GPR161: variants seen among roughly 807,000 people sequenced by gnomAD.
The protein encoded by GPR161 is G protein-coupled receptor 161.
A neutral mutation model predicts 39.2 loss-of-function variants in GPR161; 25 were observed. The ratio of observed to expected loss-of-function variants is 0.64; its 90% CI spans 0.47 to 0.89. GPR161 has a LOEUF of 0.89. GPR161 is among the 40% of genes least tolerant of loss of function. GPR161 has a pLI of 0.00. For missense variants in GPR161, 547 were observed against 677.8 expected (o/e 0.81, Z 2.14); for synonymous variants, 286 against 276.6 (o/e 1.03, Z -0.34).
At chr1:168,108,279 C>A (rs1302766296) in intron 1 of GPR161, among the ~76,000 whole-genome samples, 1 of 151,914 alleles carries the variant, frequency 6.6e-6, no homozygotes, top group African/African-American at 2.4e-5. Flanking sequence ...ATCTACCCCA[C>A]AACAAAAACA....
Position 168,104,449 on chromosome 1 carries a change from C to A in GPR161, c.374+28G>T, listed in dbSNP as rs759473012. The A allele has an allele frequency of 1.5e-5, 24 of 1,589,700 alleles. 1 individual carries two copies. The highest frequency in any genetic ancestry group is 1.7e-4 in the Middle Eastern group (1 of 6,010). On this transcript the variant is annotated intron_variant, in intron 2 of 5. Transcript: ENST00000682931. The stretch of plus-strand genomic sequence containing the variant: ...AGATGAGCGCCCGTCAGTAATCCCT[C>A]AATTCTCTAAGTCTGAGGCATGCTT...
In GPR161 at chr1:168,117,936, T is replaced by TAA. The variant is rs534242496; in HGVS notation, c.-44-13044_-44-13043dup. Among the ~76,000 whole-genome samples the TAA allele has an allele frequency of 2.8e-3, 425 of 152,292 alleles. 1 individual carries two copies. Among genetic ancestry groups the TAA allele is most frequent in the African/African-American group, 9.7e-3 (403 of 41,564 alleles). On this transcript the variant is annotated intron_variant, in intron 1 of 5. Coordinates refer to ENST00000682931, the MANE Select transcript of GPR161 (RefSeq NM_001375883.1). The stretch of plus-strand genomic sequence containing the variant: ...GGAATGAATGAAGATGTAGTAAGTA[T>TAA]AAAGCATTTTATTGACCTATGGGGC...
Position 168,085,128 on chromosome 1 carries a change from A to G in GPR161, c.*403T>C, listed in dbSNP as rs1694355910. 1 of 460,348 alleles carries G rather than the reference A, an allele frequency of 2.2e-6. No homozygotes were observed. Among genetic ancestry groups the G allele is most frequent in the South Asian group, 1.6e-5 (1 of 64,142 alleles). The allele number at this position is 460,348 out of a possible 1,614,324, so 28.5% of individuals were successfully genotyped here. A position where few individuals can be genotyped will look rare whatever the true frequency, so the allele number is the denominator to read the frequency against. Reference sequence around the variant, plus strand: ...GTTCTCCTCCTGAGGCATCTGGCACAGTGCACGGCTGGACTCCCAGCACAC... The same window carrying G: ...GTTCTCCTCCTGAGGCATCTGGCACGGTGCACGGCTGGACTCCCAGCACAC... On this transcript the variant is annotated 3_prime_UTR_variant, in exon 6 of 6. Coordinates refer to ENST00000682931, the MANE Select transcript of GPR161 (RefSeq NM_001375883.1).
chr1:168,114,205 G>C (rs1414963287), intron 1 of GPR161, among the ~76,000 whole-genome samples: 5 of 152,058 alleles, frequency 3.3e-5, no homozygotes. Flanking sequence ...CTTTCATTTT[G>C]ATTGTCTTAA....
intron 1 of GPR161, among the ~76,000 whole-genome samples, chr1:168,109,948 A>G (rs759806861): frequency 4.6e-5 from 7 of 152,220 alleles, no homozygotes; most frequent in Non-Finnish European, 7.3e-5. Flanking sequence ...CCTGGGCAAC[A>G]GAGTGAGGCT....
intron 1 of GPR161, chr1:168,136,487 G>A: frequency 7.9e-7 from 1 of 1,262,590 alleles, no homozygotes; most frequent in Admixed American, 4.2e-5. Context: ...GAAGCCCCAG[G>A]CCGCAGGGGA....
intron 1 of GPR161, among the ~76,000 whole-genome samples, chr1:168,130,916 G>A (rs1015363760): frequency 6.6e-6 from 1 of 152,108 alleles, no homozygotes; most frequent in Non-Finnish European, 1.5e-5. Context: ...GGACATCCTA[G>A]GCCACTCCTT....
chr1:168,085,907 T>C, intron 5 of GPR161, 111 bp from the exon 6 acceptor site: 1 of 903,116 alleles, frequency 1.1e-6, no homozygotes, highest in Non-Finnish European at 1.7e-6. Context: ...AAACCGCAGT[T>C]AAGGGCGTGG....
At chr1:168,136,102 CCCTTTCCAAGAA>C in intron 1 of GPR161, 3 of 1,261,802 alleles carry the variant, frequency 2.4e-6, no homozygotes, top group Non-Finnish European at 3.0e-6. Context: ...TCGAGTTCTC[CCCTTTCCAAGAA>C]CCAGCCGAAT....
intron 1 of GPR161, among the ~76,000 whole-genome samples, chr1:168,110,288 G>T (rs895373789): frequency 5.3e-5 from 8 of 152,028 alleles, no homozygotes; most frequent in African/African-American, 1.9e-4. Flanking sequence ...CAGATGGCTT[G>T]AGCACAGGAG....
chr1:168,108,228 T>C (rs1175005914), intron 1 of GPR161, among the ~76,000 whole-genome samples: 1 of 151,988 alleles, frequency 6.6e-6, no homozygotes, highest in Non-Finnish European at 1.5e-5. Context: ...TAGAACTCAC[T>C]CACTCCCACA....
At chr1:168,116,069 G>A (rs1210236510) in intron 1 of GPR161, among the ~76,000 whole-genome samples, 6 of 152,198 alleles carry the variant, frequency 3.9e-5, no homozygotes, top group African/African-American at 1.2e-4. Context: ...GAGCCACCAC[G>A]CCCAGCCTGA....
intron 1 of GPR161, among the ~76,000 whole-genome samples, chr1:168,118,382 G>A (rs1269927176): frequency 6.6e-6 from 1 of 151,510 alleles, no homozygotes; most frequent in East Asian, 1.9e-4. Flanking sequence ...CACATAAGTG[G>A]GCACTAAATA....
chr1:168,134,776 G>T, intron 1 of GPR161: 1 of 747,790 alleles, frequency 1.3e-6, no homozygotes, highest in Non-Finnish European at 2.3e-6. Context: ...CGCACCTGCA[G>T]CTGCCCCCTT....
At chr1:168,103,962 G>A (rs1037587357) in intron 2 of GPR161, among the ~76,000 whole-genome samples, 10 of 152,204 alleles carry the variant, frequency 6.6e-5, no homozygotes, top group Non-Finnish European at 1.2e-4. Context: ...GGGAGCAGCC[G>A]AGTTTCCAAA....
At chr1:168,114,303 C>CA (rs1309713786) in intron 1 of GPR161, among the ~76,000 whole-genome samples, 43 of 152,236 alleles carry the variant, frequency 2.8e-4, no homozygotes, top group Non-Finnish European at 4.9e-4. Context: ...CAGATGCCAG[C>CA]CAGGTGCTGT....
intron 1 of GPR161, among the ~76,000 whole-genome samples, chr1:168,131,377 ACACT>A (rs1293769408): frequency 2.0e-5 from 3 of 152,038 alleles, no homozygotes; most frequent in Non-Finnish European, 4.4e-5. Context: ...AGTTCTCCAA[ACACT>A]CACTGTTGTT....
chr1:168,086,555 G>A (rs1384978121), intron 5 of GPR161, among the ~76,000 whole-genome samples: 1 of 152,186 alleles, frequency 6.6e-6, no homozygotes, highest in Non-Finnish European at 1.5e-5. Flanking sequence ...ACTCACTCAT[G>A]GCAGGGGAGG....
At chr1:168,121,113 A>T (rs530351963) in intron 1 of GPR161, among the ~76,000 whole-genome samples, 1 of 152,326 alleles carries the variant, frequency 6.6e-6, no homozygotes, top group South Asian at 2.1e-4. Flanking sequence ...AGAGATGAGA[A>T]GATCCTTAGA....
Sources: allele counts gnomAD v4.1 joint callset (sites outside exome capture counted in the v4.1 genomes callset), GRCh38; gene constraint gnomAD v4.1.1; transcripts MANE v1.5; gene names NCBI Gene and HGNC (gene_info 2026-07-23, HGNC 2026-07-21).